The following MEGF11 variants were observed in gnomAD, a reference collection of about 807,000 sequenced individuals.
The protein encoded by MEGF11 is multiple epidermal growth factor-like domains protein 11.
MEGF11 carries 126 observed loss-of-function variants against 146.6 expected under a neutral mutation model. That is an observed-to-expected ratio of 0.86 (90% CI 0.74 to 1.00). The LOEUF is 1.00. MEGF11 is among the 50% of genes least tolerant of loss of function. The pLI is 0.00. For synonymous variants in MEGF11, 532 were observed against 583.4 expected, an observed-to-expected ratio of 0.91 and a Z score of 1.27; for missense variants, 1,509 against 1,521.2, an observed-to-expected ratio of 0.99 and a Z score of 0.13.
At chr15:65,944,933 CTG>C (rs1248763614) in intron 10 of MEGF11, among the ~76,000 whole-genome samples, 1 of 147,368 alleles carries the variant, frequency 6.8e-6, no homozygotes, top group African/African-American at 2.5e-5. Context: ...GAGTCTCACT[CTG>C]TCACCCAGGC....
chr15:65,909,883 C>T, intron 21 of MEGF11, 77 bp from the exon 22 acceptor site: 2 of 1,235,852 alleles, frequency 1.6e-6, no homozygotes, highest in Non-Finnish European at 1.1e-6. Context: ...TGCGTAGCTT[C>T]AGTGCACACA....
At position 65,957,706 on chromosome 15, in the gene MEGF11, A is replaced by G. The variant is rs2080708599; in HGVS notation, c.1128T>C (p.Thr376=). 1 of 1,613,796 alleles carries G rather than the reference A, an allele frequency of 6.2e-7. No individual in the cohort carries two copies. Among genetic ancestry groups the G allele is most frequent in the Non-Finnish European group, 8.5e-7 (1 of 1,179,890 alleles). The change falls in exon 10 of 26, where the codon ACT becomes ACC. Residue 376 remains threonine, a synonymous_variant. Transcript: ENST00000395614. ...AGCCTGGCTGGCAGGTACAAGCTCC[A>G]GTTACTGGGTGGCAGCTGCACAGAT... ...ADNTISCHPV[T]GACTCQPGWS...
At chr15:66,083,937 A>G (rs1481644138) in intron 5 of MEGF11, among the ~76,000 whole-genome samples, 1 of 152,236 alleles carries the variant, frequency 6.6e-6, no homozygotes, top group Admixed American at 6.5e-5. Context: ...AATAATTTTT[A>G]AAAATGACAC....
chr15:66,051,605 T>G (rs1371525382), intron 5 of MEGF11, among the ~76,000 whole-genome samples: 2 of 152,190 alleles, frequency 1.3e-5, no homozygotes, highest in Non-Finnish European at 2.9e-5. Context: ...ACTTCAGATT[T>G]GCCATGCCCC....
intron 25 of MEGF11, chr15:65,898,343 G>A: frequency 1.0e-6 from 1 of 985,396 alleles, no homozygotes; most frequent in Non-Finnish European, 1.2e-6. Context: ...TTACCAGTGA[G>A]CCCAGGGACA....
chr15:65,898,197 T>C (rs1381419393), intron 25 of MEGF11, 103 bp from the exon 26 acceptor site: 2 of 1,468,670 alleles, frequency 1.4e-6, no homozygotes, highest in African/African-American at 2.8e-5. Context: ...GAGCCAGGGA[T>C]TTATAAATCT....
intron 5 of MEGF11, among the ~76,000 whole-genome samples, chr15:66,062,815 G>C (rs1195690710): frequency 6.6e-6 from 1 of 152,246 alleles, no homozygotes; most frequent in Non-Finnish European, 1.5e-5. Context: ...AGTGCCAAAG[G>C]CCCTAAGGCA....
chr15:66,246,090 C>T (rs756365507), intron 1 of MEGF11, among the ~76,000 whole-genome samples: 2 of 151,518 alleles, frequency 1.3e-5, no homozygotes, highest in Non-Finnish European at 2.9e-5. Flanking sequence ...GACCCTTTCT[C>T]TACTAAAAAT....
chr15:65,947,719 G>C (rs2080248547), intron 10 of MEGF11, among the ~76,000 whole-genome samples: 1 of 152,204 alleles, frequency 6.6e-6, no homozygotes, highest in Non-Finnish European at 1.5e-5. Context: ...AGGACTGGGA[G>C]CCAGCAGAAG....
chr15:66,077,265 T>C (rs1036594226), intron 5 of MEGF11, among the ~76,000 whole-genome samples: 2 of 152,232 alleles, frequency 1.3e-5, no homozygotes, highest in East Asian at 3.9e-4. Flanking sequence ...TCTCTTTCCA[T>C]ATCTGATGAC....
chr15:66,139,774 A>C (rs1323859379), intron 1 of MEGF11, among the ~76,000 whole-genome samples: 2 of 152,190 alleles, frequency 1.3e-5, no homozygotes, highest in Non-Finnish European at 2.9e-5. Context: ...AAAGCTTAAC[A>C]TGTCAGCGTA....
intron 5 of MEGF11, among the ~76,000 whole-genome samples, chr15:66,019,124 G>A (rs887306995): frequency 5.6e-4 from 85 of 152,310 alleles, no homozygotes; most frequent in African/African-American, 2.0e-3. Flanking sequence ...CCAAGAAAGA[G>A]GGGAGGGTGC....
At chr15:66,149,360 T>C (rs561747982) in intron 1 of MEGF11, among the ~76,000 whole-genome samples, 1 of 152,208 alleles carries the variant, frequency 6.6e-6, no homozygotes. Flanking sequence ...TCTCCAACCC[T>C]TGGTTTCCAC....
intron 5 of MEGF11, among the ~76,000 whole-genome samples, chr15:66,005,630 AT>A (rs1360261107): frequency 6.6e-6 from 1 of 152,168 alleles, no homozygotes; most frequent in African/African-American, 2.4e-5. Context: ...ACCTTTTCAG[AT>A]GGTGGCTGGT....
At chr15:66,040,272 C>T (rs1207753349) in intron 5 of MEGF11, 2 of 154,982 alleles carry the variant, frequency 1.3e-5, no homozygotes, top group East Asian at 3.9e-4. Flanking sequence ...CCTGGAGCAG[C>T]TCAGGAGGGC....
intron 1 of MEGF11, among the ~76,000 whole-genome samples, chr15:66,140,016 G>A (rs184612346): frequency 9.9e-5 from 15 of 152,228 alleles, no homozygotes; most frequent in African/African-American, 1.4e-4. Context: ...CACACTCCCC[G>A]GTGCCAGTCA....
chr15:65,918,260 T>A (rs552316594), intron 15 of MEGF11, among the ~76,000 whole-genome samples, 166 bp from the exon 16 acceptor site: 1 of 152,302 alleles, frequency 6.6e-6, no homozygotes, highest in South Asian at 2.1e-4. Flanking sequence ...CCCTTCTCCA[T>A]TTGCACATAA....
At chr15:66,059,161 T>C (rs1364860154) in intron 5 of MEGF11, among the ~76,000 whole-genome samples, 1 of 152,186 alleles carries the variant, frequency 6.6e-6, no homozygotes, top group South Asian at 2.1e-4. Context: ...TTAACTCACA[T>C]GGAGGACCAA....
At position 66,095,121 on chromosome 15, in the gene MEGF11, G is replaced by T. The variant is rs2086486472; in HGVS notation, c.302-627C>A. On this transcript the variant is annotated intron_variant, in intron 4 of 25. Transcript: ENST00000395614. ...GATAATTGTAATTAGAAAGTGCCTGGCAATTTCTTATCACGCAGTTGAATG... is the reference window on the plus strand; with the variant it reads ...GATAATTGTAATTAGAAAGTGCCTGTCAATTTCTTATCACGCAGTTGAATG... Among the ~76,000 whole-genome samples, 3 of 152,348 alleles carry T rather than the reference G, an allele frequency of 2.0e-5. No individual in the cohort carries two copies. In the South Asian group the frequency reaches 6.2e-4, roughly 32 times the overall value.
Sources: gnomAD v4.1 joint callset for allele counts (sites outside exome capture counted in the v4.1 genomes callset) on GRCh38, gnomAD v4.1.1 for gene constraint, MANE v1.5 for transcripts, NCBI Gene and HGNC (gene_info 2026-07-23, HGNC 2026-07-21) for gene names.